MIA2: variants seen among roughly 807,000 people sequenced by gnomAD.
The protein encoded by MIA2 is melanoma inhibitory activity protein 2.
Under a neutral mutation model 167.8 loss-of-function variants are expected in MIA2, and 127 were observed. That is an observed-to-expected ratio of 0.76 (90% confidence interval 0.66 to 0.88). MIA2 has a LOEUF of 0.88. MIA2 is among the 40% of genes least tolerant of loss of function. MIA2 has a pLI of 0.00. For synonymous variants in MIA2, 552 were observed against 541.9 expected, an observed-to-expected ratio of 1.02 and a Z score of -0.26; for missense variants, 1,690 against 1,624.7, an observed-to-expected ratio of 1.04 and a Z score of -0.69.
chr14:39,338,815 A>G (rs2071094252), intron 25 of MIA2, among the ~76,000 whole-genome samples: 1 of 152,224 alleles, frequency 6.6e-6, no homozygotes, highest in Non-Finnish European at 1.5e-5. Context: ...TGTCCATGTA[A>G]TTCTTTTGCC....
chr14:39,253,382 T>G, intron 6 of MIA2: 1 of 671,972 alleles, frequency 1.5e-6, no homozygotes, highest in Non-Finnish European at 2.4e-6. Flanking sequence ...GTTTTGTTGA[T>G]GTTGATCTTG....
At chr14:39,319,375 A>AG (rs2066018096) in intron 23 of MIA2, 84 bp downstream of exon 23, 1 of 589,992 alleles carries the variant, frequency 1.7e-6, no homozygotes, top group South Asian at 6.1e-5. Context: ...TATTAGTGTA[A>AG]GTTAACACTG....
At chr14:39,290,662 C>A (rs139833860) in intron 9 of MIA2, among the ~76,000 whole-genome samples, 1 of 152,140 alleles carries the variant, frequency 6.6e-6, no homozygotes, top group Admixed American at 6.6e-5. Context: ...CGTAAAAATA[C>A]GCTCTTTGAG....
intron 23 of MIA2, 57 bp downstream of exon 23, chr14:39,319,348 ATT>A: frequency 1.3e-6 from 1 of 792,884 alleles, no homozygotes; most frequent in Admixed American, 3.2e-5. Context: ...ATATATATAT[ATT>A]GCACATATAG....
At chr14:39,337,628 T>C (rs1181709171) in intron 25 of MIA2, among the ~76,000 whole-genome samples, 2 of 152,210 alleles carry the variant, frequency 1.3e-5, no homozygotes, top group African/African-American at 2.4e-5. Flanking sequence ...TAATAAACTA[T>C]TGATACATGC....
exon 24 of MIA2, chr14:39,386,960 G>T: frequency 1.3e-6 from 1 of 780,536 alleles, no homozygotes. Flanking sequence ...TGAAGCCGAA[G>T]CATTGGCGGA....
chr14:39,235,856 G>C (rs1325462504), intron 1 of MIA2, among the ~76,000 whole-genome samples: 1 of 151,942 alleles, frequency 6.6e-6, no homozygotes, highest in Non-Finnish European at 1.5e-5. Flanking sequence ...CTTAGGGCCA[G>C]ATATAGAACA....
intron 23 of MIA2, among the ~76,000 whole-genome samples, chr14:39,365,237 T>C (rs1254137635): frequency 6.6e-6 from 1 of 152,122 alleles, no homozygotes; most frequent in Non-Finnish European, 1.5e-5. Flanking sequence ...GGCTAATTTT[T>C]GTATCTTTAG....
intron 15 of MIA2, 97 bp from the exon 16 acceptor site, chr14:39,303,381 G>A: frequency 2.2e-6 from 2 of 921,234 alleles, no homozygotes; most frequent in Non-Finnish European, 3.4e-6. Context: ...GGGATTATAA[G>A]TTTCTGGTTT....
intron 23 of MIA2, among the ~76,000 whole-genome samples, chr14:39,319,529 T>A (rs1595559770): frequency 6.6e-6 from 1 of 151,950 alleles, no homozygotes; most frequent in South Asian, 2.1e-4. Flanking sequence ...TGTAAGATGA[T>A]ACATATTTAG....
At chr14:39,325,512 C>T (rs1422981515) in intron 24 of MIA2, among the ~76,000 whole-genome samples, 9 of 148,252 alleles carry the variant, frequency 6.1e-5, no homozygotes, top group East Asian at 2.1e-4. Context: ...GGACTACAGG[C>T]GCCTGCCACC....
intron 3 of MIA2, among the ~76,000 whole-genome samples, chr14:39,243,779 T>C (rs1431332353): frequency 6.6e-6 from 1 of 152,150 alleles, no homozygotes; most frequent in Non-Finnish European, 1.5e-5. Context: ...GACAGGAGAA[T>C]TGCTTGAACC....
chr14:39,304,512 G>T, intron 17 of MIA2, 131 bp downstream of exon 17: 1 of 486,656 alleles, frequency 2.1e-6, no homozygotes. Context: ...TGTTCCTGTT[G>T]GGTATTTGTG....
At chr14:39,376,930 G>A (rs1424348156) in intron 23 of MIA2, among the ~76,000 whole-genome samples, 2 of 152,222 alleles carry the variant, frequency 1.3e-5, no homozygotes, top group Non-Finnish European at 2.9e-5. Context: ...GTAGCTATCT[G>A]CTTAGGAACT....
intron 1 of MIA2, among the ~76,000 whole-genome samples, chr14:39,235,439 C>T (rs1566578948): frequency 1.3e-5 from 2 of 152,060 alleles, no homozygotes; most frequent in Non-Finnish European, 2.9e-5. Flanking sequence ...ACTTTTTGGA[C>T]ATATAATGTA....
intron 2 of MIA2, among the ~76,000 whole-genome samples, chr14:39,238,807 A>AC (rs1566583456): frequency 2.7e-5 from 4 of 148,392 alleles, no homozygotes; most frequent in African/African-American, 9.9e-5. Context: ...AAAAAAAAAA[A>AC]AAAACCCAAA....
downstream of MIA2, among the ~76,000 whole-genome samples, chr14:39,354,177 A>T (rs552125735): frequency 6.6e-6 from 1 of 152,362 alleles, no homozygotes; most frequent in Non-Finnish European, 1.5e-5. Context: ...TTACAGTCCC[A>T]CTAACAGTGT....
chr14:39,252,833 T>C lies in MIA2; in HGVS notation c.1653T>C (p.Asn551=), dbSNP rs2152637954. 1 of 1,613,988 alleles carries C rather than the reference T, an allele frequency of 6.2e-7. No individual in the cohort carries two copies. The highest frequency in any genetic ancestry group is 2.2e-5 in the East Asian group (1 of 44,858). The change falls in exon 5 of 29, where the codon AAT becomes AAC. Residue 551 remains asparagine, a synonymous_variant. Coordinates refer to ENST00000640607, the MANE Select transcript of MIA2 (RefSeq NM_001329214.4). ...EPSSSKDSDE[N]SKPSVDTEGP... ...CATCTTCTAAAGATAGTGATGAAAA[T>C]TCGAAACCATCAGTAGACACCGAAG...
At chr14:39,300,015 A>G (rs2062134168) in intron 14 of MIA2, 29 bp downstream of exon 14, 3 of 1,575,328 alleles carry the variant, frequency 1.9e-6, no homozygotes, top group Non-Finnish European at 2.6e-6. Context: ...TTTAGTGATC[A>G]AGTTGGCTAG....
Sources: gnomAD v4.1 joint callset for allele counts (sites outside exome capture counted in the v4.1 genomes callset) on GRCh38, gnomAD v4.1.1 for gene constraint, MANE v1.5 for transcripts, NCBI Gene and HGNC (gene_info 2026-07-23, HGNC 2026-07-21) for gene names.